Variants in RAB38 observed in about 807,000 individuals in gnomAD.
RAB38 encodes the protein RAB38, member RAS oncogene family, also known as ras-related protein Rab-38.
RAB38 carries 15 observed loss-of-function variants against 18.4 expected under a neutral mutation model. The observed-to-expected ratio is 0.82, with a 90% CI of 0.55 to 1.26. RAB38 has a LOEUF of 1.26. Among genes scored for constraint, RAB38 ranks in the 50% most tolerant of loss-of-function variants. RAB38 has a pLI of 0.00. For missense variants in RAB38, 294 were observed against 267.4 expected (o/e 1.10, Z -0.69); for synonymous variants, 101 against 104.4 (o/e 0.97, Z 0.20).
Position 88,175,147 on chromosome 11 carries a change from C to A in RAB38, c.202+36G>T, listed in dbSNP as rs920081568. 3.3e-6 allele frequency: 5 copies of A among 1,520,614 alleles called. No homozygotes were observed. In the African/African-American group the frequency reaches 6.9e-5, roughly 21 times the overall value. 94.2% of individuals were successfully genotyped at this position (1,520,614 alleles called of 1,614,324 possible). A position where few individuals can be genotyped will look rare whatever the true frequency, so the allele number is the denominator to read the frequency against. ...TCGAGACTGGAAACCGGCCGCGAGG[C>A]GCTCTATCCCCCTGACCCCCTCCCC... is the stretch of plus-strand genomic sequence containing the variant. On this transcript the variant is annotated intron_variant, in intron 1 of 2. Coordinates refer to ENST00000243662, the MANE Select transcript of RAB38 (RefSeq NM_022337.3).
chr11:88,126,561 G>A (rs1036309283), intron 2 of RAB38, among the ~76,000 whole-genome samples: 2 of 152,132 alleles, frequency 1.3e-5, no homozygotes, highest in East Asian at 1.9e-4. Context: ...TGGGGTGGAG[G>A]GAGGGGGAAG....
chr11:88,130,260 C>A (rs149469038), intron 2 of RAB38, among the ~76,000 whole-genome samples: 203 of 152,144 alleles, frequency 1.3e-3, no homozygotes, highest in African/African-American at 4.7e-3. Context: ...ACAGGAACAT[C>A]TCAGGTAAAA....
At chr11:87,884,885 A>G in the RAB38 span, among the ~76,000 whole-genome samples, 23 of 152,044 alleles carry the variant, frequency 1.5e-4, no homozygotes, top group African/African-American at 3.9e-4. Context: ...GATGATTCCA[A>G]TGTTGATTAT....
At chr11:88,108,343 T>C (rs1456080465), downstream of RAB38, among the ~76,000 whole-genome samples, 2 of 152,228 alleles carry the variant, frequency 1.3e-5, no homozygotes, top group African/African-American at 2.4e-5. Flanking sequence ...TTAGCTCTTC[T>C]TTTGCATTGA....
chr11:88,015,107 C>T, the RAB38 span, among the ~76,000 whole-genome samples: 2 of 150,976 alleles, frequency 1.3e-5, no homozygotes, highest in Non-Finnish European at 2.9e-5. Flanking sequence ...AATGTTGAGT[C>T]TTGGTGATAA....
chr11:87,944,909 A>C, the RAB38 span, among the ~76,000 whole-genome samples: 1 of 152,136 alleles, frequency 6.6e-6, no homozygotes, highest in Non-Finnish European at 1.5e-5. Context: ...AAATCTGACA[A>C]ATCACTCACT....
chr11:87,845,334 C>T, the RAB38 span, among the ~76,000 whole-genome samples: 1 of 151,818 alleles, frequency 6.6e-6, no homozygotes, highest in Non-Finnish European at 1.5e-5. Context: ...AATAAAACAT[C>T]AAAAACAAAA....
At chr11:87,824,112 A>C in the RAB38 span, among the ~76,000 whole-genome samples, 1 of 152,214 alleles carries the variant, frequency 6.6e-6, no homozygotes, top group East Asian at 1.9e-4. Context: ...CTGTGCAGAC[A>C]GATTGCCATC....
At chr11:87,946,171 A>T in the RAB38 span, among the ~76,000 whole-genome samples, 43,731 of 151,948 alleles carry the variant, frequency 0.29, 6,675 homozygotes, top group South Asian at 0.42. Context: ...TAATCTCTCT[A>T]CCTTCAAGTT....
At chr11:87,864,032 A>T in the RAB38 span, among the ~76,000 whole-genome samples, 1 of 151,634 alleles carries the variant, frequency 6.6e-6, no homozygotes. Flanking sequence ...TGATCACGGT[A>T]AAAATCTACC....
the RAB38 span, among the ~76,000 whole-genome samples, chr11:88,036,752 T>C: frequency 0.022 from 3,388 of 152,124 alleles, 109 homozygotes; most frequent in East Asian, 0.15. Flanking sequence ...GAACTATTAA[T>C]ATAAGGATTT....
the RAB38 span, among the ~76,000 whole-genome samples, chr11:88,038,550 T>G: frequency 6.6e-6 from 1 of 152,078 alleles, no homozygotes; most frequent in Non-Finnish European, 1.5e-5. Context: ...TCACACTTAG[T>G]AGGTACTAAA....
chr11:87,908,126 C>A, the RAB38 span, among the ~76,000 whole-genome samples: 1 of 151,758 alleles, frequency 6.6e-6, no homozygotes, highest in Admixed American at 6.6e-5. Context: ...TTGGTCTGGC[C>A]ATATAGCAGT....
chr11:87,904,068 G>A, the RAB38 span, among the ~76,000 whole-genome samples: 2 of 151,508 alleles, frequency 1.3e-5, no homozygotes, highest in East Asian at 2.0e-4. Context: ...TTGTTAAAAT[G>A]CTTTTTAAAG....
At chr11:88,107,127 C>T in the RAB38 span, among the ~76,000 whole-genome samples, 1 of 151,958 alleles carries the variant, frequency 6.6e-6, no homozygotes, top group East Asian at 1.9e-4. Context: ...CTTATCACAG[C>T]TTTATTTTTT....
chr11:88,048,846 G>A, the RAB38 span, among the ~76,000 whole-genome samples: 1 of 152,092 alleles, frequency 6.6e-6, no homozygotes, highest in Non-Finnish European at 1.5e-5. Context: ...AATCTTTGCT[G>A]GCAGGGCTAT....
the RAB38 span, among the ~76,000 whole-genome samples, chr11:87,836,452 C>T: frequency 6.6e-6 from 1 of 152,024 alleles, no homozygotes; most frequent in Non-Finnish European, 1.5e-5. Context: ...GCTGTTGACT[C>T]AAATACCTAA....
At chr11:88,154,794 T>A (rs1943105457) in intron 1 of RAB38, among the ~76,000 whole-genome samples, 1 of 152,166 alleles carries the variant, frequency 6.6e-6, no homozygotes, top group South Asian at 2.1e-4. Flanking sequence ...CTCTGGGCAT[T>A]CAAAGCACCT....
the RAB38 span, among the ~76,000 whole-genome samples, chr11:87,875,715 T>C: frequency 6.6e-6 from 1 of 151,634 alleles, no homozygotes; most frequent in Non-Finnish European, 1.5e-5. Context: ...AGAAATGTAA[T>C]GTTTTTGATA....
Sources: gnomAD v4.1 joint callset for allele counts (sites outside exome capture counted in the v4.1 genomes callset) on GRCh38, gnomAD v4.1.1 for gene constraint, MANE v1.5 for transcripts, NCBI Gene and HGNC (gene_info 2026-07-23, HGNC 2026-07-21) for gene names.